The following NIBAN1 variants were observed in gnomAD, a reference collection of about 807,000 sequenced individuals.
The protein encoded by NIBAN1 is protein Niban 1.
NIBAN1 carries 81 observed loss-of-function variants against 75.1 expected under a neutral mutation model. The ratio of observed to expected loss-of-function variants is 1.08; its 90% confidence interval spans 0.90 to 1.30. The LOEUF (loss-of-function observed/expected upper bound fraction) is 1.30, where lower values mean the gene tolerates loss of function less well. Among genes scored for constraint, NIBAN1 ranks in the 50% most tolerant of loss-of-function variants. The pLI is 0.00. For synonymous variants in NIBAN1, 436 were observed against 424.8 expected (o/e 1.03, Z -0.32); for missense variants, 1,133 against 1,128.1 (o/e 1.00, Z -0.06).
chr1:184,795,657 T>A lies in NIBAN1; in HGVS notation c.2107A>T (p.Ile703Phe). ...GCCTTCAAAGAACCCGAGGCAGTGA[T>A]GGGTTCTGGCTCTTCCTGGGCGGGT... ...EEPAQEEPEP[I>F]TASGSLKALR... Residue 703 changes from isoleucine to phenylalanine, a missense_variant, in exon 14 of 14, where the codon ATC becomes TTC. Coordinates refer to ENST00000367511, the MANE Select transcript of NIBAN1 (RefSeq NM_052966.4). 2 of 1,614,198 alleles carry A rather than the reference T, an allele frequency of 1.2e-6. No individual in the cohort carries two copies. Among genetic ancestry groups the A allele is most frequent in the Non-Finnish European group, 1.7e-6 (2 of 1,180,032 alleles).
At chr1:184,902,935 T>C (rs1271071500) in intron 1 of NIBAN1, among the ~76,000 whole-genome samples, 1 of 152,220 alleles carries the variant, frequency 6.6e-6, no homozygotes, top group Non-Finnish European at 1.5e-5. Context: ...CTGACACATA[T>C]TAGTTGATCA....
At chr1:184,817,905 A>T (rs901768833) in intron 9 of NIBAN1, among the ~76,000 whole-genome samples, 1 of 152,238 alleles carries the variant, frequency 6.6e-6, no homozygotes, top group Non-Finnish European at 1.5e-5. Flanking sequence ...AGACTGCTGA[A>T]TGTTCAAACT....
At chr1:184,800,426 A>C (rs1184871167) in intron 12 of NIBAN1, among the ~76,000 whole-genome samples, 1 of 151,990 alleles carries the variant, frequency 6.6e-6, no homozygotes, top group Non-Finnish European at 1.5e-5. Context: ...CGTTTTAGAC[A>C]TGAAGTCCTT....
chr1:184,927,098 CA>C (rs1235783819), intron 1 of NIBAN1, among the ~76,000 whole-genome samples: 1 of 152,138 alleles, frequency 6.6e-6, no homozygotes, highest in Non-Finnish European at 1.5e-5. Context: ...TTCCTCAAAA[CA>C]GCTATTTTTA....
chr1:184,948,129 A>T (rs1223833736), intron 1 of NIBAN1, among the ~76,000 whole-genome samples: 1 of 152,234 alleles, frequency 6.6e-6, no homozygotes, highest in Non-Finnish European at 1.5e-5. Context: ...AAATAAAAAA[A>T]AAATCCTTAG....
intron 1 of NIBAN1, among the ~76,000 whole-genome samples, chr1:184,969,218 A>T (rs1213661462): frequency 1.3e-5 from 2 of 152,232 alleles, no homozygotes; most frequent in African/African-American, 4.8e-5. Context: ...AGCAATCTTC[A>T]CTATTCCAAT....
At chr1:184,939,094 A>G (rs115892028) in intron 1 of NIBAN1, among the ~76,000 whole-genome samples, 401 of 152,368 alleles carry the variant, frequency 2.6e-3, no homozygotes, top group African/African-American at 9.2e-3. Context: ...TTCATTCAAC[A>G]TTCAACAAAT....
intron 5 of NIBAN1, among the ~76,000 whole-genome samples, chr1:184,873,731 G>C (rs1374094651): frequency 6.6e-5 from 10 of 151,980 alleles, no homozygotes; most frequent in Admixed American, 6.6e-4. Context: ...CTGCTTCTTT[G>C]GAAATTTTCT....
At chr1:184,932,369 A>G (rs183267163) in intron 1 of NIBAN1, among the ~76,000 whole-genome samples, 336 of 152,294 alleles carry the variant, frequency 2.2e-3, no homozygotes, top group African/African-American at 7.4e-3. Flanking sequence ...ATGGGAGACA[A>G]TGATAGATTG....
intron 5 of NIBAN1, among the ~76,000 whole-genome samples, chr1:184,862,824 T>G (rs1179884394): frequency 8.5e-6 from 1 of 117,928 alleles, no homozygotes; most frequent in Admixed American, 8.0e-5. Flanking sequence ...TATCCCACAG[T>G]TTTTCTTTTC....
At chr1:184,907,586 C>T (rs754708090) in intron 1 of NIBAN1, among the ~76,000 whole-genome samples, 1 of 152,156 alleles carries the variant, frequency 6.6e-6, no homozygotes, top group Non-Finnish European at 1.5e-5. Context: ...TGCTAAGCAC[C>T]ATCACTTTAC....
chr1:184,956,848 C>T (rs912843133), intron 1 of NIBAN1, among the ~76,000 whole-genome samples: 2 of 152,148 alleles, frequency 1.3e-5, no homozygotes, highest in African/African-American at 4.8e-5. Context: ...CCTTCATTAG[C>T]CCCCCACCAA....
chr1:184,834,815 T>G (rs1179803971), intron 5 of NIBAN1, among the ~76,000 whole-genome samples: 12 of 152,222 alleles, frequency 7.9e-5, no homozygotes, highest in Non-Finnish European at 1.8e-4. Context: ...GCCTGTTCAC[T>G]CTGATGGTAG....
At chr1:184,874,783 A>G (rs1656191380) in intron 5 of NIBAN1, among the ~76,000 whole-genome samples, 1 of 152,054 alleles carries the variant, frequency 6.6e-6, no homozygotes, top group African/African-American at 2.4e-5. Flanking sequence ...GGTCTACAGA[A>G]AATAAATAAA....
chr1:184,900,050 A>G (rs1656908898), intron 1 of NIBAN1, among the ~76,000 whole-genome samples: 1 of 152,014 alleles, frequency 6.6e-6, no homozygotes, highest in East Asian at 1.9e-4. Flanking sequence ...TCCCAACCTC[A>G]GATGATCTGC....
At chr1:184,932,066 T>G (rs1427461136) in intron 1 of NIBAN1, among the ~76,000 whole-genome samples, 6 of 152,174 alleles carry the variant, frequency 3.9e-5, no homozygotes, top group Admixed American at 2.0e-4. Context: ...AAACGAGTTA[T>G]GTACAAGGCT....
intron 1 of NIBAN1, among the ~76,000 whole-genome samples, chr1:184,914,983 A>G (rs2102010324): frequency 6.6e-6 from 1 of 152,298 alleles, no homozygotes; most frequent in East Asian, 1.9e-4. Context: ...TGGCCTCCCC[A>G]AGTGCTGGGA....
intron 5 of NIBAN1, among the ~76,000 whole-genome samples, chr1:184,876,687 CAA>C (rs773132917): frequency 7.4e-6 from 1 of 135,040 alleles, no homozygotes; most frequent in African/African-American, 2.7e-5. Flanking sequence ...GACTCCATCT[CAA>C]AAAAAAAAAA....
chr1:184,952,827 C>T (rs1295466243), intron 1 of NIBAN1, among the ~76,000 whole-genome samples: 3 of 152,218 alleles, frequency 2.0e-5, no homozygotes, highest in Non-Finnish European at 4.4e-5. Flanking sequence ...CCCAAAGTCA[C>T]ATGGTATGTG....
Sources: gnomAD v4.1 joint callset for allele counts (sites outside exome capture counted in the v4.1 genomes callset) on GRCh38, gnomAD v4.1.1 for gene constraint, MANE v1.5 for transcripts, NCBI Gene and HGNC (gene_info 2026-07-23, HGNC 2026-07-21) for gene names.